FOXP2: variants seen among roughly 807,000 people sequenced by gnomAD.
FOXP2 encodes forkhead box P2.
In FOXP2, 12 loss-of-function variants were observed where a neutral mutation model predicts 115.8. That is an observed-to-expected ratio of 0.10 (90% CI 0.07 to 0.17). The LOEUF (loss-of-function observed/expected upper bound fraction) is 0.17, where lower values mean the gene tolerates loss of function less well. Ranked by LOEUF, FOXP2 falls within the 10% of genes least tolerant of loss-of-function variation. The pLI is 1.00. For missense variants in FOXP2, 629 were observed against 843.5 expected (o/e 0.75, Z 3.15); for synonymous variants, 328 against 297.7 (o/e 1.10, Z -1.05).
At chr7:114,231,496 CA>C (rs1464598383) in intron 1 of FOXP2, among the ~76,000 whole-genome samples, 2 of 152,060 alleles carry the variant, frequency 1.3e-5, no homozygotes, top group Non-Finnish European at 2.9e-5. Flanking sequence ...CTACAGTAAT[CA>C]AAACAGTATG....
chr7:114,542,304 A>T (rs560458356), intron 3 of FOXP2, among the ~76,000 whole-genome samples: 78 of 152,274 alleles, frequency 5.1e-4, no homozygotes, highest in Non-Finnish European at 9.3e-4. Flanking sequence ...AACCTAAAAG[A>T]TATTCTAACA....
chr7:114,587,481 G>A (rs1802199160), intron 3 of FOXP2, among the ~76,000 whole-genome samples: 1 of 152,042 alleles, frequency 6.6e-6, no homozygotes, highest in South Asian at 2.1e-4. Flanking sequence ...GTGTGTATGT[G>A]CCACATTTTC....
chr7:114,282,349 A>G (rs1486960730), intron 1 of FOXP2, among the ~76,000 whole-genome samples: 1 of 152,164 alleles, frequency 6.6e-6, no homozygotes, highest in East Asian at 1.9e-4. Context: ...TCCAAAATTT[A>G]TGACCTCAAT....
intron 9 of FOXP2, among the ~76,000 whole-genome samples, 186 bp from the exon 10 acceptor site, chr7:114,653,740 C>T (rs1195642491): frequency 2.0e-5 from 3 of 152,080 alleles, no homozygotes; most frequent in Non-Finnish European, 4.4e-5. Context: ...ATAAGAAAAG[C>T]TATAAAAGTT....
At chr7:114,597,584 G>A (rs1802797069) in intron 3 of FOXP2, among the ~76,000 whole-genome samples, 1 of 152,104 alleles carries the variant, frequency 6.6e-6, no homozygotes. Context: ...TGTGCATCCA[G>A]GCTGGGTGAC....
chr7:114,501,073 A>C (rs1188551112), intron 2 of FOXP2, among the ~76,000 whole-genome samples: 1 of 152,190 alleles, frequency 6.6e-6, no homozygotes, highest in Non-Finnish European at 1.5e-5. Context: ...ATTGAAAAAG[A>C]ATCATTTTGT....
At chr7:114,280,718 T>A (rs1053987972) in intron 1 of FOXP2, among the ~76,000 whole-genome samples, 1 of 152,178 alleles carries the variant, frequency 6.6e-6, no homozygotes, top group Non-Finnish European at 1.5e-5. Flanking sequence ...TATTAGAATA[T>A]AATAATTATT....
rs532513709 is a variant in FOXP2 at position 114,248,017 on chromosome 7, T to C, written c.-101-40002T>C. 3.9e-5 allele frequency among the ~76,000 whole-genome samples: 6 copies of C among 152,202 alleles called. No homozygotes were observed. In the East Asian group the frequency reaches 1.2e-3, roughly 29 times the overall value. On this transcript the variant is annotated intron_variant, in intron 1 of 17. Transcript: ENST00000634411. The stretch of plus-strand genomic sequence containing the variant: ...ATTTACTATAAAAAATTGTCTCACA[T>C]AATATGGACGCTAAAACATCCAAGA...
At chr7:114,249,123 C>T (rs1486244898) in intron 1 of FOXP2, among the ~76,000 whole-genome samples, 2 of 152,092 alleles carry the variant, frequency 1.3e-5, no homozygotes, top group African/African-American at 2.4e-5. Context: ...ATCTGAAAAT[C>T]AGAGTAAGGG....
intron 3 of FOXP2, among the ~76,000 whole-genome samples, chr7:114,600,866 A>G (rs1245373542): frequency 6.6e-6 from 1 of 151,584 alleles, no homozygotes; most frequent in African/African-American, 2.4e-5. Context: ...TTGTTGAATT[A>G]TAAGAGTTCT....
chr7:114,691,549 A>T lies in FOXP2; in HGVS notation c.*1623A>T, dbSNP rs763563485. On this transcript the variant is annotated 3_prime_UTR_variant, in exon 17 of 17. Coordinates refer to ENST00000350908, the MANE Select transcript of FOXP2 (RefSeq NM_014491.4). ...GACAATTCCAAACCCCAAAACTATG[A>T]TAATGAGTTATGATGTAGTTGAAAA... The T allele has an allele frequency of 1.1e-5, 5 of 453,862 alleles. No individual in the cohort carries two copies. The highest frequency in any genetic ancestry group is 7.8e-5 in the South Asian group (5 of 64,470). 28.1% of individuals were successfully genotyped at this position (453,862 alleles called of 1,614,324 possible).
intron 1 of FOXP2, among the ~76,000 whole-genome samples, chr7:114,240,605 T>C (rs1584569697): frequency 6.6e-6 from 1 of 152,098 alleles, no homozygotes; most frequent in Admixed American, 6.6e-5. Context: ...CAATCATTTG[T>C]TATTCTATTT....
chr7:114,188,175 A>G lies in FOXP2; in HGVS notation c.-102+25087A>G, dbSNP rs114025169. Among the ~76,000 whole-genome samples the G allele has an allele frequency of 3.2e-3, 493 of 152,280 alleles. 1 individual carries two copies. Among genetic ancestry groups the G allele is most frequent in the African/African-American group, 0.011 (460 of 41,534 alleles). On this transcript the variant is annotated intron_variant, in intron 1 of 17. Coordinates refer to the FOXP2 transcript ENST00000634411. ...AGCACAGTCATGGTGCTCTACTAAA[A>G]GTGTAAATTGGATCATGTCACTCCT...
At chr7:114,099,666 C>T (rs1294921649) in intron 1 of FOXP2, among the ~76,000 whole-genome samples, 5 of 152,084 alleles carry the variant, frequency 3.3e-5, no homozygotes, top group South Asian at 2.1e-4. Flanking sequence ...ATTCAGTTTT[C>T]CTTTGGTTTC....
At chr7:114,252,772 T>A (rs1256367536) in intron 1 of FOXP2, among the ~76,000 whole-genome samples, 1 of 140,132 alleles carries the variant, frequency 7.1e-6, no homozygotes, top group Non-Finnish European at 1.5e-5. Flanking sequence ...TTTTGAAGGG[T>A]TTTTTGTGTC....
intron 2 of FOXP2, among the ~76,000 whole-genome samples, chr7:114,349,302 G>A (rs911116955): frequency 6.6e-5 from 10 of 151,970 alleles, no homozygotes; most frequent in African/African-American, 4.8e-5. Flanking sequence ...GGTTTAAGTC[G>A]TAAAACTCAA....
chr7:114,554,353 A>G (rs1800355081), intron 3 of FOXP2, among the ~76,000 whole-genome samples: 1 of 152,122 alleles, frequency 6.6e-6, no homozygotes, highest in Non-Finnish European at 1.5e-5. Context: ...TGGTGTGTTT[A>G]CCATTGTGCT....
chr7:114,606,380 A>C (rs983321110), intron 3 of FOXP2, among the ~76,000 whole-genome samples: 3 of 152,186 alleles, frequency 2.0e-5, no homozygotes, highest in African/African-American at 7.2e-5. Flanking sequence ...CTCACAGTCA[A>C]ACTAGACCTA....
chr7:114,668,341 T>A (rs932488280), intron 16 of FOXP2: 1 of 152,076 alleles, frequency 6.6e-6, no homozygotes, highest in Non-Finnish European at 1.5e-5. Flanking sequence ...TCATTTATAT[T>A]CCATACTCCA....
Sources: allele counts gnomAD v4.1 joint callset (sites outside exome capture counted in the v4.1 genomes callset), GRCh38; gene constraint gnomAD v4.1.1; transcripts MANE v1.5; gene names NCBI Gene and HGNC (gene_info 2026-07-23, HGNC 2026-07-21).